PRRG4: variants seen among roughly 807,000 people sequenced by gnomAD.
PRRG4 encodes transmembrane gamma-carboxyglutamic acid protein 4.
Under a neutral mutation model 20.0 loss-of-function variants are expected in PRRG4, and 12 were observed. The observed-to-expected ratio is 0.60, with a 90% CI of 0.38 to 0.97. The LOEUF is 0.97. Ranked by LOEUF, PRRG4 falls within the 50% of genes least tolerant of loss-of-function variation. The probability of loss-of-function intolerance (pLI) is 0.00; values close to 1 mark genes in which losing one functional copy is unlikely to be tolerated. For synonymous variants in PRRG4, 94 were observed against 96.4 expected, an observed-to-expected ratio of 0.98 and a Z score of 0.15; for missense variants, 199 against 265.1, an observed-to-expected ratio of 0.75 and a Z score of 1.73.
Position 32,838,942 on chromosome 11 carries a change from A to T in PRRG4, c.316+12A>T, listed in dbSNP as rs757660509. ...AACCACAAAATCAGGTAAAACAAGA[A>T]TTGATCAAATTTAATGCTTTTCTCA... On this transcript the variant is annotated intron_variant, in intron 4 of 5. Coordinates refer to ENST00000257836, the MANE Select transcript of PRRG4 (RefSeq NM_024081.6). 11 of 1,579,968 alleles carry T rather than the reference A, an allele frequency of 7.0e-6. No individual in the cohort carries two copies. Among genetic ancestry groups the T allele is most frequent in the Non-Finnish European group, 9.6e-6 (11 of 1,149,264 alleles).
intron 1 of PRRG4, 105 bp from the exon 2 acceptor site, chr11:32,830,403 G>C: frequency 9.9e-7 from 1 of 1,013,452 alleles, no homozygotes; most frequent in Non-Finnish European, 1.3e-6. Flanking sequence ...GGGCGCTCTT[G>C]CGCCTAGGCT....
Position 32,855,416 on chromosome 11 carries a change from A to G in PRRG4, c.*1889A>G, listed in dbSNP as rs1851221710. The stretch of plus-strand genomic sequence containing the variant: ...CTATTACATTTTCTTATCATTTAGG[A>G]TCACTTATAAAATGATCATTGTTTA... On this transcript the variant is annotated 3_prime_UTR_variant, in exon 6 of 6. Coordinates refer to ENST00000257836, the MANE Select transcript of PRRG4 (RefSeq NM_024081.6). The G allele has an allele frequency of 6.6e-6, 1 of 152,156 alleles. No individual in the cohort carries two copies. The highest frequency in any genetic ancestry group is 2.1e-4 in the South Asian group (1 of 4,824). 9.4% of individuals were successfully genotyped at this position (152,156 alleles called of 1,614,324 possible).
intron 2 of PRRG4, among the ~76,000 whole-genome samples, chr11:32,830,840 A>G (rs1304158771): frequency 6.6e-6 from 1 of 152,206 alleles, no homozygotes; most frequent in Non-Finnish European, 1.5e-5. Context: ...CTCCTTTAAT[A>G]AGTATATACG....
chr11:32,841,070 T>TAA lies in PRRG4; in HGVS notation c.449+843_449+844dup, dbSNP rs200004639. Among the ~76,000 whole-genome samples the TAA allele has an allele frequency of 2.5e-4, 35 of 141,372 alleles. No individual in the cohort carries two copies. In the East Asian group the frequency reaches 3.8e-3, roughly 15 times the overall value. The allele number at this position is 141,372 out of a possible 152,430, so 92.7% of individuals were successfully genotyped here. ...TGAGTAGGCGTAGAAACAATCTTAT[T>TAA]AAAAAAAAAAAAAGCAGCAGATGCT... On this transcript the variant is annotated intron_variant, in intron 5 of 5. Coordinates refer to ENST00000257836, the MANE Select transcript of PRRG4 (RefSeq NM_024081.6).
chr11:32,848,617 T>C (rs946217375), intron 5 of PRRG4, among the ~76,000 whole-genome samples: 5 of 150,426 alleles, frequency 3.3e-5, no homozygotes, highest in Admixed American at 3.3e-4. Context: ...TATGTATACA[T>C]ATATATATAT....
chr11:32,831,805 G>A (rs1320066969), intron 2 of PRRG4, among the ~76,000 whole-genome samples: 1 of 152,076 alleles, frequency 6.6e-6, no homozygotes, highest in Non-Finnish European at 1.5e-5. Context: ...TGGATCACCT[G>A]CGGTCAGGAG....
At chr11:32,830,749 G>T in intron 2 of PRRG4, 117 bp downstream of exon 2, 1 of 1,484,064 alleles carries the variant, frequency 6.7e-7, no homozygotes, top group South Asian at 1.3e-5. Flanking sequence ...ATATCCTTTA[G>T]TTTAATTTGT....
intron 5 of PRRG4, among the ~76,000 whole-genome samples, chr11:32,848,415 G>C (rs995557361): frequency 2.0e-5 from 3 of 152,062 alleles, no homozygotes; most frequent in Admixed American, 6.6e-5. Flanking sequence ...AAGGGGAATG[G>C]GGAGTTATTG....
intron 5 of PRRG4, among the ~76,000 whole-genome samples, chr11:32,843,988 GT>G (rs1183419368): frequency 1.3e-5 from 2 of 152,228 alleles, no homozygotes; most frequent in East Asian, 3.9e-4. Context: ...GTTTGATGAA[GT>G]TTTTTTAAAT....
chr11:32,830,141 G>C lies in PRRG4; in HGVS notation c.-55G>C. 1 of 1,005,078 alleles carries C rather than the reference G, an allele frequency of 9.9e-7. No homozygotes were observed. The highest frequency in any genetic ancestry group is 1.2e-6 in the Non-Finnish European group (1 of 843,478). The allele number at this position is 1,005,078 out of a possible 1,614,324, so 62.3% of individuals were successfully genotyped here. On this transcript the variant is annotated 5_prime_UTR_variant, in exon 1 of 6. Transcript: ENST00000257836. ...CCGCCCCAAGAAGAGCCTCTGGCCC[G>C]GGGGCTGCTGGAACATGTGCGGGGG...
At position 32,857,599 on chromosome 11, in the gene PRRG4, T is replaced by C. The variant is rs1166066533; in HGVS notation, c.*4072T>C. ...AATCCATATTTTTCTACTTCTCAGA[T>C]AATTTATGTGTGTGTACTCTTCCTA... On this transcript the variant is annotated 3_prime_UTR_variant, in exon 6 of 6. Transcript: ENST00000257836. 1 of 152,268 alleles carries C rather than the reference T, an allele frequency of 6.6e-6. No homozygotes were observed. The highest frequency in any genetic ancestry group is 6.5e-5 in the Admixed American group (1 of 15,292). The allele number at this position is 152,268 out of a possible 1,614,324, so 9.4% of individuals were successfully genotyped here. A position where few individuals can be genotyped will look rare whatever the true frequency, so the allele number is the denominator to read the frequency against.
At chr11:32,841,804 A>C (rs886386702) in intron 5 of PRRG4, among the ~76,000 whole-genome samples, 1 of 151,932 alleles carries the variant, frequency 6.6e-6, no homozygotes, top group Non-Finnish European at 1.5e-5. Flanking sequence ...CAACAACAAC[A>C]AAAAGGAAAA....
chr11:32,851,349 T>G (rs1851181836), intron 5 of PRRG4, among the ~76,000 whole-genome samples: 1 of 152,216 alleles, frequency 6.6e-6, no homozygotes, highest in Non-Finnish European at 1.5e-5. Context: ...ATCTGTCTCC[T>G]CCTTTATCTT....
chr11:32,855,651 T>C lies in PRRG4; in HGVS notation c.*2124T>C, dbSNP rs1851223066. 1 of 152,238 alleles carries C rather than the reference T, an allele frequency of 6.6e-6. No individual in the cohort carries two copies. Among genetic ancestry groups the C allele is most frequent in the Admixed American group, 6.5e-5 (1 of 15,278 alleles). 9.4% of individuals were successfully genotyped at this position (152,238 alleles called of 1,614,324 possible). A position where few individuals can be genotyped will look rare whatever the true frequency, so the allele number is the denominator to read the frequency against. On this transcript the variant is annotated 3_prime_UTR_variant, in exon 6 of 6. Coordinates refer to ENST00000257836, the MANE Select transcript of PRRG4 (RefSeq NM_024081.6). ...ACTTTATCCTTTTAGATTCTCAGTC[T>C]CTTTGTTGCTTGTTGCAAATAAATC...
At chr11:32,830,355 G>A (rs1271091818) in intron 1 of PRRG4, among the ~76,000 whole-genome samples, 153 bp from the exon 2 acceptor site, 1 of 152,236 alleles carries the variant, frequency 6.6e-6, no homozygotes, top group East Asian at 1.9e-4. Flanking sequence ...GCTGCTTCCT[G>A]GGCGCGCGTC....
chr11:32,851,017 G>A (rs537704903), intron 5 of PRRG4, among the ~76,000 whole-genome samples: 1 of 152,306 alleles, frequency 6.6e-6, no homozygotes, highest in South Asian at 2.1e-4. Flanking sequence ...AGGTTGCAGT[G>A]AGCTGAGATT....
intron 5 of PRRG4, among the ~76,000 whole-genome samples, chr11:32,845,625 CAAAA>C (rs749171678): frequency 8.8e-6 from 1 of 113,626 alleles, no homozygotes; most frequent in African/African-American, 3.3e-5. Flanking sequence ...GACTCCGTTT[CAAAA>C]AAAAAAAAAA....
intron 2 of PRRG4, among the ~76,000 whole-genome samples, chr11:32,835,051 C>T (rs1403402022): frequency 1.3e-5 from 2 of 152,086 alleles, no homozygotes; most frequent in African/African-American, 2.4e-5. Context: ...TAGGCTCAAG[C>T]GATCCACCTG....
intron 2 of PRRG4, among the ~76,000 whole-genome samples, chr11:32,831,351 C>T (rs916888301): frequency 6.6e-6 from 1 of 152,202 alleles, no homozygotes; most frequent in African/African-American, 2.4e-5. Flanking sequence ...TACTCTGGAT[C>T]CACGTCCCCA....
Sources: allele counts gnomAD v4.1 joint callset (sites outside exome capture counted in the v4.1 genomes callset), GRCh38; gene constraint gnomAD v4.1.1; transcripts MANE v1.5; gene names NCBI Gene and HGNC (gene_info 2026-07-23, HGNC 2026-07-21).